CCDC148: variants seen among roughly 807,000 people sequenced by gnomAD.
CCDC148 encodes coiled-coil domain-containing protein 148.
CCDC148 carries 89 observed loss-of-function variants against 85.7 expected under a neutral mutation model. That is an observed-to-expected ratio of 1.04 (90% CI 0.87 to 1.24). CCDC148 has a LOEUF of 1.24. Ranked by LOEUF, CCDC148 falls within the 50% of genes most tolerant of loss-of-function variation. The pLI, the probability that CCDC148 is intolerant of heterozygous loss-of-function variation, is 0.00. For synonymous variants in CCDC148, 230 were observed against 213.9 expected, an observed-to-expected ratio of 1.08 and a Z score of -0.66; for missense variants, 692 against 671.7, an observed-to-expected ratio of 1.03 and a Z score of -0.33.
chr2:158,222,526 C>A (rs543806996), intron 10 of CCDC148, among the ~76,000 whole-genome samples: 1 of 152,122 alleles, frequency 6.6e-6, no homozygotes, highest in African/African-American at 2.4e-5. Context: ...ACCTCTGGAA[C>A]CCCTGTGTCA....
At chr2:158,194,817 A>G (rs1023528022) in intron 11 of CCDC148, among the ~76,000 whole-genome samples, 2 of 151,888 alleles carry the variant, frequency 1.3e-5, no homozygotes, top group African/African-American at 4.8e-5. Flanking sequence ...TTGATTTTTT[A>G]TTTTGAATGG....
At chr2:158,224,321 G>A (rs1574437133) in intron 10 of CCDC148, among the ~76,000 whole-genome samples, 1 of 152,194 alleles carries the variant, frequency 6.6e-6, no homozygotes, top group African/African-American at 2.4e-5. Context: ...TATGTGAAAA[G>A]ACCAAATCTA....
intron 1 of CCDC148, among the ~76,000 whole-genome samples, chr2:158,389,330 T>C (rs962814066): frequency 3.3e-5 from 5 of 152,154 alleles, no homozygotes; most frequent in African/African-American, 1.2e-4. Flanking sequence ...CTTTCAACTA[T>C]TTTAAATAAA....
At chr2:158,348,636 A>G (rs1004346092) in intron 2 of CCDC148, among the ~76,000 whole-genome samples, 1 of 151,982 alleles carries the variant, frequency 6.6e-6, no homozygotes, top group Non-Finnish European at 1.5e-5. Context: ...TGAAATATTT[A>G]TGGGTGAAAT....
At chr2:158,214,107 A>G (rs1451912481) in intron 11 of CCDC148, among the ~76,000 whole-genome samples, 1 of 143,118 alleles carries the variant, frequency 7.0e-6, no homozygotes, top group Non-Finnish European at 1.5e-5. Context: ...GAACACAAAG[A>G]ATAAACATTG....
chr2:158,423,311 T>C (rs375439467), intron 1 of CCDC148, among the ~76,000 whole-genome samples: 1 of 152,124 alleles, frequency 6.6e-6, no homozygotes, highest in African/African-American at 2.4e-5. Context: ...GGAGGCATCA[T>C]GCTACCTGAC....
chr2:158,220,713 T>A lies in CCDC148; in HGVS notation c.1252A>T (p.Ile418Leu). 6.4e-7 allele frequency: 1 copy of A among 1,568,252 alleles called. No individual in the cohort carries two copies. The highest frequency in any genetic ancestry group is 8.6e-7 in the Non-Finnish European group (1 of 1,160,068). The change falls in exon 11 of 14, where the codon ATA becomes TTA. Residue 418 changes from isoleucine to leucine, a missense_variant and splice_region_variant. Physicochemically the swap from Ile to Leu is conservative, Grantham distance 5. Transcript: ENST00000283233. ...TTTTTCTTGGCCCAGTATTTTTTTA[T>A]CTATTGTATAAATGTTACATAAAAT... Reference protein sequence around the residue: ...LLQRAEKKKKIKKYWAKKKQK... With the variant: ...LLQRAEKKKKLKKYWAKKKQK...
intron 10 of CCDC148, among the ~76,000 whole-genome samples, chr2:158,230,080 A>G (rs1687776110): frequency 6.6e-6 from 1 of 152,182 alleles, no homozygotes; most frequent in Non-Finnish European, 1.5e-5. Context: ...ATTTGATTCT[A>G]TTAACCCTTA....
intron 9 of CCDC148, among the ~76,000 whole-genome samples, chr2:158,269,665 G>C (rs1158088497): frequency 6.6e-6 from 1 of 152,140 alleles, no homozygotes; most frequent in Non-Finnish European, 1.5e-5. Flanking sequence ...CTCCTCACAG[G>C]ATACCTAATT....
intron 11 of CCDC148, among the ~76,000 whole-genome samples, chr2:158,192,216 C>A (rs1685454947): frequency 6.6e-6 from 1 of 151,994 alleles, no homozygotes; most frequent in Non-Finnish European, 1.5e-5. Flanking sequence ...CCTCAAGAAA[C>A]CCTGTCTTTT....
At chr2:158,227,231 T>C (rs1221916342) in intron 10 of CCDC148, among the ~76,000 whole-genome samples, 1 of 151,296 alleles carries the variant, frequency 6.6e-6, no homozygotes, top group Admixed American at 6.6e-5. Flanking sequence ...ATAAAATACC[T>C]AGGAATCCAA....
intron 5 of CCDC148, 102 bp downstream of exon 5, chr2:158,340,140 A>G: frequency 1.2e-6 from 1 of 856,422 alleles, no homozygotes. Context: ...TATTAATATT[A>G]ACTAATATAC....
intron 10 of CCDC148, among the ~76,000 whole-genome samples, chr2:158,235,335 A>G (rs1044537729): frequency 2.6e-5 from 4 of 152,180 alleles, no homozygotes; most frequent in African/African-American, 9.6e-5. Context: ...ATATATTCCT[A>G]TATAACATTT....
chr2:158,359,278 C>T (rs1683818449), intron 1 of CCDC148, among the ~76,000 whole-genome samples: 1 of 152,136 alleles, frequency 6.6e-6, no homozygotes, highest in South Asian at 2.1e-4. Context: ...TCATCTGTGT[C>T]ATATAAAGTA....
At chr2:158,227,664 C>G (rs1364911525) in intron 10 of CCDC148, among the ~76,000 whole-genome samples, 1 of 152,164 alleles carries the variant, frequency 6.6e-6, no homozygotes, top group Non-Finnish European at 1.5e-5. Context: ...ATATCTACAA[C>G]CATCTGATCT....
Position 158,235,402 on chromosome 2 carries a change from A to C in CCDC148, c.1252-14689T>G, listed in dbSNP as rs547010850. On this transcript the variant is annotated intron_variant, in intron 10 of 13. Transcript: ENST00000283233. Reference sequence around the variant, plus strand: ...ATTTTCTGTAGAAAAGTTTCAAAGAATCATGATTTAATTTTATGCCACAGG... The same window carrying C: ...ATTTTCTGTAGAAAAGTTTCAAAGACTCATGATTTAATTTTATGCCACAGG... 3.9e-5 allele frequency among the ~76,000 whole-genome samples: 6 copies of C among 152,312 alleles called. No homozygotes were observed. In the East Asian group the frequency reaches 9.7e-4, roughly 25 times the overall value.
chr2:158,185,590 C>A (rs1256853559), intron 11 of CCDC148, among the ~76,000 whole-genome samples: 1 of 152,068 alleles, frequency 6.6e-6, no homozygotes, highest in African/African-American at 2.4e-5. Flanking sequence ...GAGATACAAA[C>A]AAGGACTTCA....
chr2:158,287,395 G>C (rs527254486), intron 9 of CCDC148, among the ~76,000 whole-genome samples: 37 of 152,142 alleles, frequency 2.4e-4, no homozygotes, highest in Non-Finnish European at 5.1e-4. Context: ...TCTGAGACAA[G>C]GCACGTCCCT....
chr2:158,280,446 T>C lies in CCDC148; in HGVS notation c.1110+28987A>G, dbSNP rs554458275. Among the ~76,000 whole-genome samples, 5 of 151,656 alleles carry C rather than the reference T, an allele frequency of 3.3e-5. No individual in the cohort carries two copies. In the South Asian group the frequency reaches 8.3e-4, roughly 25 times the overall value. On this transcript the variant is annotated intron_variant, in intron 9 of 13. Transcript: ENST00000283233. The stretch of plus-strand genomic sequence containing the variant: ...GATGGAGGAAGATGTACCAAGCAAA[T>C]GGAAAACAAAAAAAGGCAGGGGTTG...
Sources: gnomAD v4.1 joint callset for allele counts (sites outside exome capture counted in the v4.1 genomes callset) on GRCh38, gnomAD v4.1.1 for gene constraint, MANE v1.5 for transcripts, NCBI Gene and HGNC (gene_info 2026-07-23, HGNC 2026-07-21) for gene names.